The following DLG2 variants were observed in gnomAD, a reference collection of about 807,000 sequenced individuals.
The protein encoded by DLG2 is disks large homolog 2.
DLG2 carries 45 observed loss-of-function variants against 132.5 expected under a neutral mutation model. The ratio of observed to expected loss-of-function variants is 0.34; its 90% CI spans 0.27 to 0.44. The LOEUF (loss-of-function observed/expected upper bound fraction) is 0.44, where lower values mean the gene tolerates loss of function less well. Ranked by LOEUF, DLG2 falls within the 20% of genes least tolerant of loss-of-function variation. The probability of loss-of-function intolerance (pLI) is 1.00; values close to 1 mark genes in which losing one functional copy is unlikely to be tolerated. For missense variants in DLG2, 1,045 were observed against 1,196.9 expected (o/e 0.87, Z 1.87); for synonymous variants, 424 against 419.6 (o/e 1.01, Z -0.13).
intron 7 of DLG2, among the ~76,000 whole-genome samples, chr11:84,285,278 CT>C (rs1388429285): frequency 6.6e-6 from 1 of 152,118 alleles, no homozygotes; most frequent in Admixed American, 6.6e-5. Flanking sequence ...GCTCCGCCCA[CT>C]CCATTTCTCA....
intron 5 of DLG2, among the ~76,000 whole-genome samples, chr11:85,151,233 T>C (rs1432824968): frequency 2.0e-5 from 3 of 152,208 alleles, no homozygotes; most frequent in African/African-American, 7.2e-5. Flanking sequence ...TGTTGTTGAG[T>C]TGTAGAAGTT....
intron 4 of DLG2, among the ~76,000 whole-genome samples, chr11:85,264,387 T>C (rs1255044916): frequency 6.6e-6 from 1 of 152,198 alleles, no homozygotes; most frequent in East Asian, 1.9e-4. Context: ...ACTTTCCTTT[T>C]CTTTGGCATT....
At position 84,060,195 on chromosome 11, in the gene DLG2, T is replaced by C. The variant is rs150839525; in HGVS notation, c.750-711A>G. Among the ~76,000 whole-genome samples, 324 of 152,058 alleles carry C rather than the reference T, an allele frequency of 2.1e-3. 3 individuals are homozygous for C. The highest frequency in any genetic ancestry group is 4.7e-3 in the African/African-American group (195 of 41,492). ...GGGCATGGTGGTGTGTGCCTGTAGT[T>C]CAGCTACTTGGGAGGCTGAGAAAAG... On this transcript the variant is annotated intron_variant, in intron 10 of 27. Coordinates refer to ENST00000376104, the MANE Select transcript of DLG2 (RefSeq NM_001142699.3).
At chr11:85,013,882 T>A (rs1231062635) in intron 6 of DLG2, among the ~76,000 whole-genome samples, 1 of 152,170 alleles carries the variant, frequency 6.6e-6, no homozygotes, top group Non-Finnish European at 1.5e-5. Context: ...TGCATGCTAT[T>A]ATGCTATCAA....
chr11:84,761,949 C>T (rs2067685304), intron 6 of DLG2, among the ~76,000 whole-genome samples: 1 of 152,016 alleles, frequency 6.6e-6, no homozygotes, highest in Non-Finnish European at 1.5e-5. Flanking sequence ...TTTCTTATTC[C>T]TTGGTTTCAT....
chr11:84,623,708 C>T (rs988868178), intron 6 of DLG2, among the ~76,000 whole-genome samples: 5 of 152,116 alleles, frequency 3.3e-5, no homozygotes, highest in Non-Finnish European at 4.4e-5. Context: ...AATGCATACA[C>T]ATAGTATTTA....
At chr11:83,799,802 GCAGA>G (rs2043860029) in intron 17 of DLG2, among the ~76,000 whole-genome samples, 2 of 152,158 alleles carry the variant, frequency 1.3e-5, no homozygotes, top group African/African-American at 4.8e-5. Flanking sequence ...CTACAGTTTT[GCAGA>G]CAGTTAGAAA....
intron 6 of DLG2, among the ~76,000 whole-genome samples, chr11:84,642,401 G>A (rs1320875668): frequency 1.3e-5 from 2 of 151,924 alleles, no homozygotes; most frequent in African/African-American, 4.8e-5. Flanking sequence ...ATCAAATCCA[G>A]ATACATATTT....
chr11:84,502,201 TCC>T (rs1491462286), intron 7 of DLG2, among the ~76,000 whole-genome samples: 1 of 6,002 alleles, frequency 1.7e-4, no homozygotes, highest in East Asian at 1.9e-3. Flanking sequence ...TCTCTCTCTC[TCC>T]TTCCTTCCTT....
At chr11:84,246,670 C>G (rs1174484901) in intron 8 of DLG2, among the ~76,000 whole-genome samples, 2 of 152,118 alleles carry the variant, frequency 1.3e-5, no homozygotes, top group Non-Finnish European at 2.9e-5. Context: ...TGTGGCACCC[C>G]AAACTGCAAA....
chr11:83,863,809 G>T (rs1305408515), intron 16 of DLG2, among the ~76,000 whole-genome samples: 1 of 152,046 alleles, frequency 6.6e-6, no homozygotes, highest in Non-Finnish European at 1.5e-5. Context: ...ATGCCAAAAG[G>T]CCATCTTCTT....
intron 3 of DLG2, among the ~76,000 whole-genome samples, chr11:85,345,413 C>T (rs1170167095): frequency 1.3e-5 from 2 of 152,134 alleles, no homozygotes; most frequent in Admixed American, 6.5e-5. Flanking sequence ...GAAATTTACA[C>T]ATTGTTGAAC....
intron 6 of DLG2, among the ~76,000 whole-genome samples, chr11:84,914,542 T>A (rs928488981): frequency 6.6e-6 from 1 of 152,154 alleles, no homozygotes; most frequent in Non-Finnish European, 1.5e-5. Flanking sequence ...CATGGGAGAA[T>A]ATAGGTTATC....
At chr11:85,437,195 T>A (rs1328078470) in intron 3 of DLG2, among the ~76,000 whole-genome samples, 1 of 151,892 alleles carries the variant, frequency 6.6e-6, no homozygotes, top group Non-Finnish European at 1.5e-5. Context: ...AAATAGCCAA[T>A]GCATGTGGGG....
intron 17 of DLG2, among the ~76,000 whole-genome samples, chr11:83,809,857 A>G (rs866721519): frequency 3.9e-5 from 6 of 152,170 alleles, no homozygotes; most frequent in African/African-American, 1.2e-4. Context: ...CATGAATATT[A>G]TATTAGAAGA....
intron 8 of DLG2, among the ~76,000 whole-genome samples, chr11:84,241,655 G>A (rs1396349597): frequency 2.0e-5 from 3 of 151,770 alleles, no homozygotes; most frequent in African/African-American, 7.3e-5. Flanking sequence ...CTAAATGTCT[G>A]ATCATTGTGC....
intron 4 of DLG2, among the ~76,000 whole-genome samples, chr11:85,239,864 CTA>C (rs1311255351): frequency 6.6e-6 from 1 of 151,572 alleles, no homozygotes; most frequent in Admixed American, 6.6e-5. Context: ...CTATTCTTGT[CTA>C]TGTTTCAAAC....
chr11:84,928,192 G>T (rs2047632831), intron 6 of DLG2, among the ~76,000 whole-genome samples: 1 of 151,884 alleles, frequency 6.6e-6, no homozygotes, highest in Non-Finnish European at 1.5e-5. Context: ...CTTGAGAAAG[G>T]AACTATATAA....
chr11:84,740,080 T>C (rs1157593213), intron 6 of DLG2, among the ~76,000 whole-genome samples: 1 of 151,856 alleles, frequency 6.6e-6, no homozygotes. Context: ...TTAGTTTCCA[T>C]GGCATCCACT....
Sources: gnomAD v4.1 joint callset for allele counts (sites outside exome capture counted in the v4.1 genomes callset) on GRCh38, gnomAD v4.1.1 for gene constraint, MANE v1.5 for transcripts, NCBI Gene and HGNC (gene_info 2026-07-23, HGNC 2026-07-21) for gene names.